HSP90B1: variants seen among roughly 807,000 people sequenced by gnomAD.
HSP90B1 encodes heat shock protein 90 beta family member 1.
A neutral mutation model predicts 100.4 loss-of-function variants in HSP90B1; 27 were observed. That is an observed-to-expected ratio of 0.27 (90% CI 0.20 to 0.37). The LOEUF (loss-of-function observed/expected upper bound fraction) is 0.37. Ranked by LOEUF, HSP90B1 falls within the 10% of genes least tolerant of loss-of-function variation. The pLI is 1.00. For synonymous variants in HSP90B1, 304 were observed against 330.8 expected (o/e 0.92, Z 0.88); for missense variants, 678 against 960.5 (o/e 0.71, Z 3.89).
At chr12:103,942,824 C>A in intron 12 of HSP90B1, 28 bp downstream of exon 12, 4 of 1,609,014 alleles carry the variant, frequency 2.5e-6, no homozygotes, top group Non-Finnish European at 3.4e-6. Flanking sequence ...GTGTTGTCAG[C>A]CATTCTGGAA....
In HSP90B1 at chr12:103,941,724, G is replaced by T; in HGVS notation, c.1308+18G>T. The stretch of plus-strand genomic sequence containing the variant: ...AGGGTGTGGTAAGTATCTGAAGTTT[G>T]GGAGAAGGGGTGATTGTTGTGGGGG... On this transcript the variant is annotated intron_variant, in intron 10 of 17. Transcript: ENST00000299767. 7 of 1,611,088 alleles carry T rather than the reference G, an allele frequency of 4.3e-6. No homozygotes were observed. The highest frequency in any genetic ancestry group is 5.1e-6 in the Non-Finnish European group (6 of 1,177,286).
intron 6 of HSP90B1, 25 bp downstream of exon 6, chr12:103,937,831 T>A: frequency 8.8e-7 from 1 of 1,131,306 alleles, no homozygotes; most frequent in Non-Finnish European, 1.3e-6. Context: ...ATTAAAAACT[T>A]ATATGTATTA....
At position 103,946,663 on chromosome 12, in the gene HSP90B1, C is replaced by T. The variant is rs779522051; in HGVS notation, c.2073C>T (p.His691=). The T allele has an allele frequency of 1.2e-6, 2 of 1,614,048 alleles. No individual in the cohort carries two copies. Among genetic ancestry groups the T allele is most frequent in the Non-Finnish European group, 1.7e-6 (2 of 1,179,928 alleles). ...AAACATTTGAAATTAATCCCAGACA[C>T]CCGCTGATCAGAGACATGCTTCGAC... is the stretch of plus-strand genomic sequence containing the variant. ...QKKTFEINPR[H]PLIRDMLRRI... is the part of the protein sequence containing the mutation. The change falls in exon 15 of 18, where the codon CAC becomes CAT. Residue 691 remains histidine (H), a synonymous_variant. Transcript: ENST00000299767.
In HSP90B1 at chr12:103,938,382, A is replaced by G. The variant is rs1235232144; in HGVS notation, c.898A>G (p.Lys300Glu). 1 of 1,570,990 alleles carries G rather than the reference A, an allele frequency of 6.4e-7. No homozygotes were observed. The highest frequency in any genetic ancestry group is 8.7e-7 in the Non-Finnish European group (1 of 1,151,438). ...GCCCATGGAGGAAGAAGAAGCAGCC[A>G]AAGAAGAGAAAGAAGAATCTGATGA... is the stretch of plus-strand genomic sequence containing the variant. ...EEPMEEEEAAKEEKEESDDEA... is the reference protein window; with the variant it reads ...EEPMEEEEAAEEEKEESDDEA... The change falls in exon 7 of 18, where the codon AAA (lysine) becomes GAA (glutamate). Residue 300 changes from lysine to glutamate, a missense_variant. Physicochemically the swap from Lys to Glu is moderately conservative, Grantham distance 56. Transcript: ENST00000299767.
Position 103,943,702 on chromosome 12 carries a change from G to A in HSP90B1, c.1891-36G>A, listed in dbSNP as rs1870144463. On this transcript the variant is annotated intron_variant, in intron 13 of 17. Transcript: ENST00000299767. This position sits in a 1 kb window ranked among gnomAD's most constrained non-coding sequence, Gnocchi z 5.3. ...CAATTGCTCAATGACCTTACCTGTTGATATTAATTTATATGACTTGATTTC... is the reference window on the plus strand; with the variant it reads ...CAATTGCTCAATGACCTTACCTGTTAATATTAATTTATATGACTTGATTTC... 1 of 1,595,646 alleles carries A rather than the reference G, an allele frequency of 6.3e-7. No homozygotes were observed. Among genetic ancestry groups the A allele is most frequent in the Non-Finnish European group, 8.6e-7 (1 of 1,169,146 alleles).
chr12:103,932,911 C>T lies in HSP90B1; in HGVS notation c.380C>T (p.Ser127Phe). ...LISLTDENAL[S>F]GNEELTVKIK... Reference sequence around the variant, plus strand: ...TCACTGACTGATGAAAATGCTCTTTCTGGAAATGAGGAACTAACAGTCAAA... The same window carrying T: ...TCACTGACTGATGAAAATGCTCTTTTTGGAAATGAGGAACTAACAGTCAAA... Residue 127 changes from serine to phenylalanine, a missense_variant, in exon 4 of 18, where the codon TCT becomes TTT. Ser to Phe is a radical substitution (Grantham distance 155). Coordinates refer to ENST00000299767, the MANE Select transcript of HSP90B1 (RefSeq NM_003299.3). 1 of 1,591,190 alleles carries T rather than the reference C, an allele frequency of 6.3e-7. No individual in the cohort carries two copies.
chr12:103,943,212 G>A lies in HSP90B1; in HGVS notation c.1783G>A (p.Gly595Arg). 1 of 1,614,170 alleles carries A rather than the reference G, an allele frequency of 6.2e-7. No homozygotes were observed. The highest frequency in any genetic ancestry group is 8.5e-7 in the Non-Finnish European group (1 of 1,180,028). Residue 595 changes from glycine to arginine, a missense_variant, in exon 13 of 18, where the codon GGA becomes AGA. Physicochemically the swap from Gly to Arg is moderately radical, Grantham distance 125. Around this residue, in one of 8 missense-constraint regions of HSP90B1, gnomAD observed 170 missense variants for 236.7 expected, o/e 0.72. Transcript: ENST00000299767. The surrounding 1 kb of genome is among the most constrained non-coding windows in gnomAD (Gnocchi z 5.3). The part of the protein sequence containing the change: ...GKRFQNVAKE[G>R]VKFDESEKTK... ...GAGGTTCCAGAATGTTGCCAAGGAAGGAGTGAAGTTCGATGAAAGTGAGAA... is the reference window on the plus strand; with the variant it reads ...GAGGTTCCAGAATGTTGCCAAGGAAAGAGTGAAGTTCGATGAAAGTGAGAA...
At position 103,943,715 on chromosome 12, in the gene HSP90B1, A is replaced by G. The variant is rs1164632079; in HGVS notation, c.1891-23A>G. 6.2e-7 allele frequency: 1 copy of G among 1,606,104 alleles called. No individual in the cohort carries two copies. The highest frequency in any genetic ancestry group is 2.2e-5 in the East Asian group (1 of 44,820). ...ACCTTACCTGTTGATATTAATTTAT[A>G]TGACTTGATTTCTTTCCCTAAGATT... On this transcript the variant is annotated intron_variant, in intron 13 of 17. Coordinates refer to ENST00000299767, the MANE Select transcript of HSP90B1 (RefSeq NM_003299.3). The surrounding 1 kb of genome is among the most constrained non-coding windows in gnomAD (Gnocchi z 5.3).
intron 11 of HSP90B1, 81 bp downstream of exon 11, chr12:103,941,978 C>G: frequency 1.1e-6 from 1 of 900,408 alleles, no homozygotes; most frequent in South Asian, 1.4e-5. Context: ...GGAGTAAAAC[C>G]AGATTTTGGG....
chr12:103,946,281 C>T (rs974283500), intron 14 of HSP90B1, among the ~76,000 whole-genome samples: 2 of 152,118 alleles, frequency 1.3e-5, no homozygotes, highest in Admixed American at 1.3e-4. Context: ...TCTAGGACCC[C>T]TGCCAAAATC....
chr12:103,945,214 G>C (rs767705066), intron 14 of HSP90B1, among the ~76,000 whole-genome samples: 3 of 152,178 alleles, frequency 2.0e-5, no homozygotes, highest in Admixed American at 6.5e-5. Flanking sequence ...TGATGCAGGA[G>C]TATCAGTTGA....
intron 5 of HSP90B1, among the ~76,000 whole-genome samples, chr12:103,936,622 CAAAAAAAAA>C (rs10611658): frequency 7.7e-5 from 9 of 116,824 alleles, no homozygotes; most frequent in African/African-American, 2.6e-4. Context: ...GACAGAGGTC[CAAAAAAAAA>C]AAAAAAAAAA....
rs1593486075 is a variant in HSP90B1, at chr12:103,930,819, T to C, written c.49+255T>C. ...CCCGGAGGTCTCAGCGACCTCGGGG[T>C]GGGGCCTCTCTGAGGCTCTGGCTCC... is the stretch of plus-strand genomic sequence containing the variant. On this transcript the variant is annotated intron_variant, in intron 1 of 17. Coordinates refer to ENST00000299767, the MANE Select transcript of HSP90B1 (RefSeq NM_003299.3). The surrounding 1 kb of genome is among the most constrained non-coding windows in gnomAD (Gnocchi z 4.4). Among the ~76,000 whole-genome samples, 1 of 151,890 alleles carries C rather than the reference T, an allele frequency of 6.6e-6. No homozygotes were observed. Among genetic ancestry groups the C allele is most frequent in the African/African-American group, 2.4e-5 (1 of 41,328 alleles).
chr12:103,932,455 T>A, intron 3 of HSP90B1, 37 bp downstream of exon 3: 1 of 1,555,582 alleles, frequency 6.4e-7, no homozygotes. Context: ...TATCTCTGTA[T>A]GGTGGCATAC....
Position 103,930,428 on chromosome 12 carries a change from C to T in HSP90B1, c.-88C>T. The T allele has an allele frequency of 1.6e-6, 2 of 1,249,770 alleles. No homozygotes were observed. Among genetic ancestry groups the T allele is most frequent in the Non-Finnish European group, 2.2e-6 (2 of 908,408 alleles). 77.4% of individuals were successfully genotyped at this position (1,249,770 alleles called of 1,614,324 possible). A position where few individuals can be genotyped will look rare whatever the true frequency, so the allele number is the denominator to read the frequency against. On this transcript the variant is annotated 5_prime_UTR_variant, in exon 1 of 18. Transcript: ENST00000299767. This position sits in a 1 kb window ranked among gnomAD's most constrained non-coding sequence, Gnocchi z 4.4. Reference sequence around the variant, plus strand: ...GCGGTGTAGTGGGCGGACCGCGCGGCTGGAGGTGTGAGGATCCGAACCCAG... The same window carrying T: ...GCGGTGTAGTGGGCGGACCGCGCGGTTGGAGGTGTGAGGATCCGAACCCAG...
chr12:103,932,334 A>T lies in HSP90B1; in HGVS notation c.210A>T (p.Arg70Ser). The T allele has an allele frequency of 1.9e-6, 3 of 1,613,102 alleles. No individual in the cohort carries two copies. Among genetic ancestry groups the T allele is most frequent in the Non-Finnish European group, 2.5e-6 (3 of 1,179,270 alleles). The part of the protein sequence containing the change: ...GLNASQIREL[R>S]EKSEKFAFQA... ...ATGCATCACAAATAAGAGAACTTAG[A>T]GAGAAGTCGGAAAAGTTTGCCTTCC... The change falls in exon 3 of 18, where the codon AGA becomes AGT. Residue 70 changes from arginine (R) to serine (S), a missense_variant. Arg to Ser is a moderately radical substitution (Grantham distance 110). Coordinates refer to ENST00000299767, the MANE Select transcript of HSP90B1 (RefSeq NM_003299.3).
chr12:103,938,136 A>C (rs1422901288), intron 6 of HSP90B1: 1 of 425,470 alleles, frequency 2.4e-6, no homozygotes, highest in Non-Finnish European at 4.2e-6. Context: ...GCCCCACTGC[A>C]CTCCAGCCTA....
At chr12:103,935,713 C>G (rs1377281538) in intron 5 of HSP90B1, among the ~76,000 whole-genome samples, 1 of 152,158 alleles carries the variant, frequency 6.6e-6, no homozygotes, top group African/African-American at 2.4e-5. Flanking sequence ...AGTTATGCCC[C>G]AGTGCCCTCT....
chr12:103,947,529 T>A, intron 17 of HSP90B1, 99 bp downstream of exon 17: 2 of 1,596,742 alleles, frequency 1.3e-6, no homozygotes, highest in Non-Finnish European at 1.7e-6. Context: ...CTTACAGAAG[T>A]CAGACTGAGC....
Sources: gnomAD v4.1 joint callset for allele counts (sites outside exome capture counted in the v4.1 genomes callset) on GRCh38, gnomAD v4.1.1 for gene constraint, gnomAD v4.1.1 regional missense constraint, Gnocchi (gnomAD v3.1) non-coding constraint, MANE v1.5 for transcripts, NCBI Gene and HGNC (gene_info 2026-07-23, HGNC 2026-07-21) for gene names.